DUS4L: variants seen among roughly 807,000 people sequenced by gnomAD.
DUS4L encodes tRNA-dihydrouridine(20a/20b) synthase [NAD(P)+]-like.
DUS4L carries 31 observed loss-of-function variants against 33.8 expected under a neutral mutation model. That is an observed-to-expected ratio of 0.92 (90% CI 0.69 to 1.24). DUS4L has a LOEUF of 1.24. Among genes scored for constraint, DUS4L ranks in the 50% most tolerant of loss-of-function variants. DUS4L has a pLI of 0.00. For missense variants in DUS4L, 368 were observed against 388.6 expected (o/e 0.95, Z 0.45); for synonymous variants, 103 against 120.3 (o/e 0.86, Z 0.94).
Position 107,564,581 on chromosome 7 carries a change from TCCTC to T in DUS4L, c.-110-6_-110-3del, listed in dbSNP as rs1804408542. On this transcript the variant is annotated splice_polypyrimidine_tract_variant and splice_region_variant and intron_variant, in intron 1 of 7. Transcript: ENST00000265720. ...TTGACCTTTTGCCTTTTCTACTTCT[TCCTC>T]AGTTTCAGTCACGTGCCAGACTTTT... 1 of 152,710 alleles carries T rather than the reference TCCTC, an allele frequency of 6.5e-6. No homozygotes were observed. The highest frequency in any genetic ancestry group is 1.5e-5 in the Non-Finnish European group (1 of 68,340). 9.5% of individuals were successfully genotyped at this position (152,710 alleles called of 1,614,324 possible).
chr7:107,564,257 A>G, intron 1 of DUS4L, 48 bp downstream of exon 1: 1 of 552,934 alleles, frequency 1.8e-6, no homozygotes. Context: ...AGCAAGTATT[A>G]AACCTCAGAA....
Position 107,577,590 on chromosome 7 carries a change from CT to C in DUS4L, c.*34del. 1 of 1,589,460 alleles carries C rather than the reference CT, an allele frequency of 6.3e-7. No individual in the cohort carries two copies. Among genetic ancestry groups the C allele is most frequent in the Non-Finnish European group, 8.6e-7 (1 of 1,166,642 alleles). On this transcript the variant is annotated 3_prime_UTR_variant, in exon 8 of 8. Coordinates refer to ENST00000265720, the MANE Select transcript of DUS4L (RefSeq NM_181581.3). Reference sequence around the variant, plus strand: ...ACTTCCCAAATAATTTTAATATATACTTTTAGACCCACAGTGAAACCACAGA... The same window carrying C: ...ACTTCCCAAATAATTTTAATATATACTTTAGACCCACAGTGAAACCACAGA...
In DUS4L at chr7:107,567,125, A is replaced by G. The variant is rs1584985080; in HGVS notation, c.55A>G (p.Ile19Val). ...TICQERKKDP[I>V]EMFHSGQLVK... ...ATGTCAGGAAAGAAAAAAAGATCCC[A>G]TAGAAATGTTTCATTCTGGACAGCT... The change falls in exon 3 of 8, where the codon ATA becomes GTA. Residue 19 changes from isoleucine to valine, a missense_variant. Ile to Val is a conservative substitution (Grantham distance 29). Coordinates refer to ENST00000265720, the MANE Select transcript of DUS4L (RefSeq NM_181581.3). The G allele has an allele frequency of 1.2e-6, 2 of 1,613,758 alleles. No individual in the cohort carries two copies. Among genetic ancestry groups the G allele is most frequent in the Middle Eastern group, 1.7e-4 (1 of 6,054 alleles).
intron 4 of DUS4L, 92 bp from the exon 5 acceptor site, chr7:107,573,612 C>G (rs1805460770): frequency 8.1e-7 from 1 of 1,229,156 alleles, no homozygotes; most frequent in African/African-American, 1.5e-5. Flanking sequence ...ATCGTTATTG[C>G]TATTTTATCC....
In DUS4L at chr7:107,577,606, G is replaced by A; in HGVS notation, c.*46G>A. The A allele has an allele frequency of 6.4e-7, 1 of 1,565,542 alleles. No individual in the cohort carries two copies. Among genetic ancestry groups the A allele is most frequent in the Middle Eastern group, 2.3e-4 (1 of 4,318 alleles). ...TAATATATACTTTTAGACCCACAGT[G>A]AAACCACAGAAGGTCATATTTTGTA... On this transcript the variant is annotated 3_prime_UTR_variant, in exon 8 of 8. Transcript: ENST00000265720.
chr7:107,577,023 C>A (rs934382710), intron 7 of DUS4L: 4 of 350,206 alleles, frequency 1.1e-5, no homozygotes, highest in African/African-American at 6.3e-5. Context: ...CTTTAAGCAG[C>A]CCAATTTATG....
chr7:107,568,234 A>T (rs895393757), intron 3 of DUS4L, among the ~76,000 whole-genome samples: 1 of 152,156 alleles, frequency 6.6e-6, no homozygotes, highest in Non-Finnish European at 1.5e-5. Flanking sequence ...TGGTGATTCT[A>T]TGTTTAATTT....
chr7:107,567,251 A>C (rs1584985317), intron 3 of DUS4L, 65 bp downstream of exon 3: 2 of 1,386,046 alleles, frequency 1.4e-6, no homozygotes, highest in Non-Finnish European at 2.0e-6. Flanking sequence ...GACTTTTTAA[A>C]AGTACTGTAA....
intron 1 of DUS4L, 50 bp from the exon 2 acceptor site, chr7:107,564,538 T>C (rs1183301372): frequency 6.5e-6 from 1 of 153,304 alleles, no homozygotes; most frequent in African/African-American, 2.4e-5. Flanking sequence ...TCTACCCTCC[T>C]TCCTTCCCAT....
intron 2 of DUS4L, among the ~76,000 whole-genome samples, chr7:107,566,843 G>A (rs1487249280): frequency 6.6e-6 from 1 of 151,732 alleles, no homozygotes; most frequent in Non-Finnish European, 1.5e-5. Context: ...AACTATCTTG[G>A]GTAGTTTTCC....
In DUS4L at chr7:107,563,971, G is replaced by GGGCCCCCC; in HGVS notation, c.-349_-348insGGCCCCCC. ...GGTGGTGACGCAGAATCCCGGCGCCGCCCGCCCACCCAGCCCATGGCTCCA... is the reference window on the plus strand; with the variant it reads ...GGTGGTGACGCAGAATCCCGGCGCCGGGCCCCCCCCCGCCCACCCAGCCCATGGCTCCA... On this transcript the variant is annotated 5_prime_UTR_variant, in exon 1 of 8. Coordinates refer to ENST00000265720, the MANE Select transcript of DUS4L (RefSeq NM_181581.3). The GGGCCCCCC allele has an allele frequency of 2.6e-6, 4 of 1,557,676 alleles. No individual in the cohort carries two copies. The highest frequency in any genetic ancestry group is 3.5e-6 in the Non-Finnish European group (4 of 1,144,830).
intron 5 of DUS4L, among the ~76,000 whole-genome samples, chr7:107,574,273 T>G (rs1234713292): frequency 6.6e-6 from 1 of 152,140 alleles, no homozygotes; most frequent in African/African-American, 2.4e-5. Flanking sequence ...TTTTTCTTTC[T>G]ATACCACAGT....
intron 4 of DUS4L, among the ~76,000 whole-genome samples, chr7:107,572,858 T>C (rs1554469915): frequency 6.7e-6 from 1 of 148,866 alleles, no homozygotes; most frequent in South Asian, 2.1e-4. Context: ...AAAAAAAAAA[T>C]TAAACATTTA....
chr7:107,564,066 G>A lies in DUS4L; in HGVS notation c.-254G>A, dbSNP rs1804292434. On this transcript the variant is annotated 5_prime_UTR_variant, in exon 1 of 8. Transcript: ENST00000265720. ...CTGGCTAGGAGCCGCGCAGGTACTCGAGCAGTGGGCGCCCAGGGTCCGAGT... is the reference window on the plus strand; with the variant it reads ...CTGGCTAGGAGCCGCGCAGGTACTCAAGCAGTGGGCGCCCAGGGTCCGAGT... 2.1e-6 allele frequency: 3 copies of A among 1,458,754 alleles called. No individual in the cohort carries two copies. The highest frequency in any genetic ancestry group is 5.0e-5 in the East Asian group (2 of 40,272). 90.4% of individuals were successfully genotyped at this position (1,458,754 alleles called of 1,614,324 possible).
At chr7:107,577,208 C>G in intron 7 of DUS4L, 105 bp from the exon 8 acceptor site, 1 of 1,468,748 alleles carries the variant, frequency 6.8e-7, no homozygotes, top group Non-Finnish European at 9.2e-7. Context: ...ATTACAAAAC[C>G]TTGTGATAAT....
At chr7:107,576,627 G>C (rs1053061678) in intron 7 of DUS4L, 35 bp downstream of exon 7, 1 of 1,529,388 alleles carries the variant, frequency 6.5e-7, no homozygotes, top group Non-Finnish European at 8.8e-7. Flanking sequence ...TTTAATTGGG[G>C]GGGGAAGAAA....
chr7:107,572,081 G>A (rs527375960), intron 4 of DUS4L, among the ~76,000 whole-genome samples: 4 of 146,358 alleles, frequency 2.7e-5, no homozygotes, highest in African/African-American at 1.0e-4. Flanking sequence ...CTCTTATGTT[G>A]CACTTAATCA....
In DUS4L at chr7:107,573,752, TATCTG is replaced by T; in HGVS notation, c.290_294del (p.Ser97CysfsTer15). On this transcript the variant is annotated frameshift_variant, in exon 5 of 8. Coordinates refer to ENST00000265720, the MANE Select transcript of DUS4L (RefSeq NM_181581.3). LOFTEE classifies it high-confidence loss of function. Reference sequence around the variant, plus strand: ...TTTGCTGCTAACGATGCAAGACTTTTATCTGATGCTGCTCGTATAGTCTGTCCTTA... The same window carrying T: ...TTTGCTGCTAACGATGCAAGACTTTTATGCTGCTCGTATAGTCTGTCCTTA... The T allele has an allele frequency of 1.2e-6, 2 of 1,611,676 alleles. No homozygotes were observed. Among genetic ancestry groups the T allele is most frequent in the Middle Eastern group, 3.3e-4 (2 of 6,054 alleles).
At chr7:107,571,057 A>G in intron 3 of DUS4L, 88 bp from the exon 4 acceptor site, 2 of 1,552,870 alleles carry the variant, frequency 1.3e-6, no homozygotes, top group Non-Finnish European at 1.8e-6. Flanking sequence ...CCCCATAGGT[A>G]GAACTTTCTC....
Sources: allele counts gnomAD v4.1 joint callset (sites outside exome capture counted in the v4.1 genomes callset), GRCh38; gene constraint gnomAD v4.1.1; transcripts MANE v1.5; gene names NCBI Gene and HGNC (gene_info 2026-07-23, HGNC 2026-07-21).